Variants in ADGRB1 observed in about 807,000 individuals in gnomAD.
ADGRB1 encodes the protein adhesion G protein-coupled receptor B1.
A neutral mutation model predicts 175.7 loss-of-function variants in ADGRB1; 36 were observed. That is an observed-to-expected ratio of 0.20 (90% CI 0.16 to 0.27). ADGRB1 has a LOEUF of 0.27. ADGRB1 is among the 10% of genes least tolerant of loss of function. The pLI, the probability that ADGRB1 is intolerant of heterozygous loss-of-function variation, is 1.00. For synonymous variants in ADGRB1, 1,054 were observed against 979.4 expected, an observed-to-expected ratio of 1.08 and a Z score of -1.42; for missense variants, 1,731 against 2,255.3, an observed-to-expected ratio of 0.77 and a Z score of 4.71.
At chr8:142,494,930 C>G (rs1842143325) in intron 17 of ADGRB1, among the ~76,000 whole-genome samples, 1 of 152,088 alleles carries the variant, frequency 6.6e-6, no homozygotes, top group African/African-American at 2.4e-5. Flanking sequence ...ATAGACACTG[C>G]CCCTACCGTA....
In ADGRB1 at chr8:142,481,681, G is replaced by A. The variant is rs547313758; in HGVS notation, c.2100G>A (p.Ala700=). 5.3e-5 allele frequency: 84 copies of A among 1,597,444 alleles called. No homozygotes were observed. Among genetic ancestry groups the A allele is most frequent in the East Asian group, 4.3e-4 (19 of 44,470 alleles). ...LRNMTEIFRR[A]YYSPTPGDVQ... ...ACATGACAGAGATTTTCCGGAGAGC[G>A]TACTACAGCCCCACCCCTGGGGACG... Residue 700 remains alanine, a synonymous_variant, in exon 11 of 31, where the codon GCG becomes GCA. Coordinates refer to ENST00000517894, the MANE Select transcript of ADGRB1 (RefSeq NM_001702.3).
chr8:142,466,171 G>T (rs1452889709), intron 2 of ADGRB1, among the ~76,000 whole-genome samples: 3 of 152,174 alleles, frequency 2.0e-5, no homozygotes, highest in Non-Finnish European at 4.4e-5. Flanking sequence ...GCATACATCG[G>T]GTGTTCGGGG....
At chr8:142,460,212 G>A (rs1270423708) in intron 1 of ADGRB1, among the ~76,000 whole-genome samples, 1 of 152,248 alleles carries the variant, frequency 6.6e-6, no homozygotes, top group Non-Finnish European at 1.5e-5. Flanking sequence ...GTGGGGTGCA[G>A]GAGACCTCGG....
chr8:142,519,092 T>G (rs1843615920), intron 19 of ADGRB1, among the ~76,000 whole-genome samples: 1 of 152,080 alleles, frequency 6.6e-6, no homozygotes, highest in Non-Finnish European at 1.5e-5. Context: ...GGGGACAGCA[T>G]CCACTGGGCT....
intron 13 of ADGRB1, among the ~76,000 whole-genome samples, chr8:142,488,040 A>G (rs913886883): frequency 6.6e-6 from 1 of 152,102 alleles, no homozygotes; most frequent in Non-Finnish European, 1.5e-5. Flanking sequence ...GACAGACCCC[A>G]GAATCTGCCT....
At chr8:142,498,639 C>A (rs111864406) in intron 17 of ADGRB1, among the ~76,000 whole-genome samples, 2,420 of 152,156 alleles carry the variant, frequency 0.016, 75 homozygotes, top group African/African-American at 0.052. Flanking sequence ...AGTCTGTGCC[C>A]TCCTCCCAGT....
chr8:142,495,750 AGT>A (rs1280751221), intron 17 of ADGRB1, among the ~76,000 whole-genome samples: 1 of 152,230 alleles, frequency 6.6e-6, no homozygotes, highest in African/African-American at 2.4e-5. Flanking sequence ...CGCCAAACCC[AGT>A]GTGGTATCAG....
Position 142,489,046 on chromosome 8 carries a change from G to C in ADGRB1, c.2464G>C (p.Ala822Pro), listed in dbSNP as rs753082959. ...FSTGLTEADE[A>P]SVFVVGTVLY... ...GCACTTTCTTCCAGAGGCCGATGAA[G>C]CATCCGTGTTTGTGGTGGGCACCGT... The change falls in exon 15 of 31, where the codon GCA becomes CCA. Residue 822 changes from alanine to proline, a missense_variant. Ala to Pro is a conservative substitution (Grantham distance 27). Around this residue, in one of 8 missense-constraint regions of ADGRB1, gnomAD observed 388 missense variants for 630.9 expected, o/e 0.61. Coordinates refer to ENST00000517894, the MANE Select transcript of ADGRB1 (RefSeq NM_001702.3). 1.2e-6 allele frequency: 2 copies of C among 1,611,956 alleles called. No individual in the cohort carries two copies. The highest frequency in any genetic ancestry group is 1.7e-6 in the Non-Finnish European group (2 of 1,179,592).
chr8:142,502,470 C>T (rs373965678), intron 17 of ADGRB1, among the ~76,000 whole-genome samples: 379 of 7,552 alleles, frequency 0.05, 4 homozygotes, highest in Middle Eastern at 0.083. Flanking sequence ...GCAGTCATCA[C>T]TGTGGTTTTG....
At chr8:142,518,924 G>A (rs1843603581) in intron 19 of ADGRB1, among the ~76,000 whole-genome samples, 1 of 152,242 alleles carries the variant, frequency 6.6e-6, no homozygotes, top group Non-Finnish European at 1.5e-5. Context: ...TCTGCAGGCA[G>A]CGCGATGTCA....
Position 142,493,979 on chromosome 8 carries a change from C to G in ADGRB1, c.2675+3164C>G, listed in dbSNP as rs912470645. Among the ~76,000 whole-genome samples the G allele has an allele frequency of 6.6e-5, 10 of 152,132 alleles. No homozygotes were observed. Among genetic ancestry groups the G allele is most frequent in the African/African-American group, 2.4e-4 (10 of 41,434 alleles). On this transcript the variant is annotated intron_variant, in intron 17 of 30. Transcript: ENST00000517894. The surrounding 1 kb of genome is among the most constrained non-coding windows in gnomAD (Gnocchi z 5.0). ...GCCCAGGTCTGTTTCCACCAGGGCA[C>G]CAAGGGACCGGGTCCAAGCTGGTGT...
At chr8:142,479,179 C>A (rs1359118021) in intron 7 of ADGRB1, 144 bp from the exon 8 acceptor site, 1 of 918,484 alleles carries the variant, frequency 1.1e-6, no homozygotes, top group Non-Finnish European at 1.5e-6. Flanking sequence ...CCTTCTTTGA[C>A]CTCCTGCCCC....
At chr8:142,527,224 C>A (rs1197348909) in intron 24 of ADGRB1, among the ~76,000 whole-genome samples, 1 of 152,206 alleles carries the variant, frequency 6.6e-6, no homozygotes, top group Admixed American at 6.5e-5. Flanking sequence ...GCCCTGGGCA[C>A]AGAGGGGAAG....
At chr8:142,469,480 AGTGTGTATGCACGTGCATGTGTGAATGT>A (rs1418118709) in intron 2 of ADGRB1, among the ~76,000 whole-genome samples, 71 of 101,132 alleles carry the variant, frequency 7.0e-4, no homozygotes, top group South Asian at 1.3e-3. Context: ...TGCATGTGTG[AGTGTGTATGCACGTGCATGTGTGAATGT>A]GTGTGTATGC....
In ADGRB1 at chr8:142,542,778, C is replaced by G. The variant is rs1009513274; in HGVS notation, c.4413+131C>G. 10 of 820,346 alleles carry G rather than the reference C, an allele frequency of 1.2e-5. No homozygotes were observed. The highest frequency in any genetic ancestry group is 3.7e-5 in the South Asian group (2 of 54,008). 50.8% of individuals were successfully genotyped at this position (820,346 alleles called of 1,614,324 possible). On this transcript the variant is annotated intron_variant, in intron 28 of 30. Coordinates refer to ENST00000517894, the MANE Select transcript of ADGRB1 (RefSeq NM_001702.3). The surrounding 1 kb of genome is among the most constrained non-coding windows in gnomAD (Gnocchi z 6.3). Reference sequence around the variant, plus strand: ...GGCTCTGCCTCCTAGCTACACCCCCCACCCCTGGCCCTGCTGGGTGTGCTG... The same window carrying G: ...GGCTCTGCCTCCTAGCTACACCCCCGACCCCTGGCCCTGCTGGGTGTGCTG...
intron 7 of ADGRB1, among the ~76,000 whole-genome samples, chr8:142,478,726 T>C (rs1841146846): frequency 9.5e-6 from 1 of 105,316 alleles, no homozygotes; most frequent in Non-Finnish European, 1.9e-5. Flanking sequence ...AAGTTGAGTG[T>C]GGCCATGGGG....
intron 18 of ADGRB1, among the ~76,000 whole-genome samples, chr8:142,516,806 A>T (rs952573337): frequency 1.3e-5 from 2 of 152,128 alleles, no homozygotes; most frequent in Non-Finnish European, 2.9e-5. Context: ...CAAGTCAGGC[A>T]TGGCGGTTCA....
At chr8:142,476,213 C>A (rs987893391) in intron 3 of ADGRB1, among the ~76,000 whole-genome samples, 1 of 152,222 alleles carries the variant, frequency 6.6e-6, no homozygotes, top group African/African-American at 2.4e-5. Context: ...CCTTGGTGAA[C>A]TTTCCTGGGG....
chr8:142,521,920 C>A, intron 20 of ADGRB1, 45 bp from the exon 21 acceptor site: 1 of 1,542,264 alleles, frequency 6.5e-7, no homozygotes, highest in Non-Finnish European at 8.7e-7. Flanking sequence ...AGGTGTGGGG[C>A]CGGGGAGCAC....
Sources: gnomAD v4.1 joint callset for allele counts (sites outside exome capture counted in the v4.1 genomes callset) on GRCh38, gnomAD v4.1.1 for gene constraint, gnomAD v4.1.1 regional missense constraint, Gnocchi (gnomAD v3.1) non-coding constraint, MANE v1.5 for transcripts, NCBI Gene and HGNC (gene_info 2026-07-23, HGNC 2026-07-21) for gene names.